The following SMYD3 variants were observed in gnomAD, a reference collection of about 807,000 sequenced individuals.
SMYD3 encodes the protein SET and MYND domain containing 3, also known as histone-lysine N-methyltransferase SMYD3.
In SMYD3, 36 loss-of-function variants were observed where a neutral mutation model predicts 57.7. The observed-to-expected ratio is 0.62, with a 90% CI of 0.48 to 0.82. The LOEUF (loss-of-function observed/expected upper bound fraction) is 0.82. Among genes scored for constraint, SMYD3 ranks in the 40% least tolerant of loss-of-function variants. SMYD3 has a pLI of 0.00. For synonymous variants in SMYD3, 211 were observed against 195.0 expected (o/e 1.08, Z -0.68); for missense variants, 515 against 538.8 (o/e 0.96, Z 0.44).
chr1:246,117,128 C>G (rs1393349469), intron 5 of SMYD3, among the ~76,000 whole-genome samples: 1 of 152,202 alleles, frequency 6.6e-6, no homozygotes, highest in Non-Finnish European at 1.5e-5. Context: ...CCACTCTACA[C>G]TTGCTTGTCA....
intron 1 of SMYD3, among the ~76,000 whole-genome samples, chr1:246,467,854 T>A (rs1419724443): frequency 1.3e-5 from 2 of 151,844 alleles, no homozygotes; most frequent in African/African-American, 2.4e-5. Flanking sequence ...GAGGCAAAAA[T>A]CCTCAACAAA....
intron 5 of SMYD3, among the ~76,000 whole-genome samples, chr1:245,944,463 C>T (rs374428996): frequency 3.3e-5 from 5 of 152,092 alleles, no homozygotes; most frequent in East Asian, 3.9e-4. Flanking sequence ...TCAAGGAGAA[C>T]GATAAACCTC....
At chr1:246,479,828 G>C (rs61839820) in intron 1 of SMYD3, among the ~76,000 whole-genome samples, 21,950 of 152,152 alleles carry the variant, frequency 0.14, 2,011 homozygotes, top group Middle Eastern at 0.24. Flanking sequence ...ATTTTTGTCT[G>C]TTGTGGTTCT....
intron 5 of SMYD3, among the ~76,000 whole-genome samples, chr1:246,232,079 A>C (rs907541714): frequency 2.4e-4 from 37 of 152,198 alleles, no homozygotes; most frequent in African/African-American, 8.9e-4. Context: ...CATAGTTTTT[A>C]ATGCAAATGA....
At chr1:245,865,105 T>C (rs1251374225) in intron 8 of SMYD3, among the ~76,000 whole-genome samples, 1 of 152,074 alleles carries the variant, frequency 6.6e-6, no homozygotes, top group Non-Finnish European at 1.5e-5. Context: ...GAAAACCACA[T>C]GTGTGCACAA....
Position 245,871,061 on chromosome 1 carries a change from A to G in SMYD3, c.814-7175T>C, listed in dbSNP as rs139435206. Among the ~76,000 whole-genome samples the G allele has an allele frequency of 2.7e-3, 405 of 152,372 alleles. 4 individuals carry two copies. The highest frequency in any genetic ancestry group is 9.1e-3 in the African/African-American group (379 of 41,590). The stretch of plus-strand genomic sequence containing the variant: ...TGAAGAGAGATGGAGTATAGGATGA[A>G]AAATAAAAAATTAATGAACACTTAC... On this transcript the variant is annotated intron_variant, in intron 8 of 11. Transcript: ENST00000490107.
chr1:246,365,612 C>T (rs4654246), intron 1 of SMYD3, among the ~76,000 whole-genome samples: 142,972 of 151,922 alleles, frequency 0.94, 67,310 homozygotes, highest in East Asian at 1. Flanking sequence ...TTAATCTCCT[C>T]GACTCTCCCC....
chr1:245,950,414 G>A (rs972477987), intron 5 of SMYD3, among the ~76,000 whole-genome samples: 1 of 152,134 alleles, frequency 6.6e-6, no homozygotes, highest in Non-Finnish European at 1.5e-5. Flanking sequence ...AAACAGGACT[G>A]AGTATTTTTT....
At chr1:246,261,910 A>C (rs996155042) in intron 5 of SMYD3, among the ~76,000 whole-genome samples, 3 of 152,214 alleles carry the variant, frequency 2.0e-5, no homozygotes, top group African/African-American at 7.2e-5. Context: ...GAAAAAAGTT[A>C]CAATAAATCT....
At chr1:245,820,253 A>G (rs2049085646) in intron 10 of SMYD3, among the ~76,000 whole-genome samples, 2 of 151,554 alleles carry the variant, frequency 1.3e-5, no homozygotes, top group African/African-American at 2.4e-5. Flanking sequence ...ACGCAAATCA[A>G]TAAATGTAAT....
chr1:246,028,239 C>T (rs1007505322), intron 5 of SMYD3, among the ~76,000 whole-genome samples: 1 of 151,244 alleles, frequency 6.6e-6, no homozygotes, highest in Non-Finnish European at 1.5e-5. Flanking sequence ...AAGTCCTAGT[C>T]AGAGCAACCA....
chr1:246,411,097 G>T (rs1183587792), intron 1 of SMYD3, among the ~76,000 whole-genome samples: 1 of 151,562 alleles, frequency 6.6e-6, no homozygotes, highest in East Asian at 1.9e-4. Context: ...TATCAATTTT[G>T]TTGATCTTTT....
intron 1 of SMYD3, among the ~76,000 whole-genome samples, chr1:246,431,799 C>A (rs144054568): frequency 1.3e-5 from 2 of 152,244 alleles, no homozygotes; most frequent in Non-Finnish European, 2.9e-5. Flanking sequence ...CTCTCCATTT[C>A]TGCAACAATC....
At chr1:246,408,177 T>C (rs1235038846) in intron 1 of SMYD3, among the ~76,000 whole-genome samples, 2 of 152,074 alleles carry the variant, frequency 1.3e-5, no homozygotes, top group East Asian at 3.9e-4. Flanking sequence ...CATATAAATT[T>C]TGGAAGGACA....
intron 5 of SMYD3, among the ~76,000 whole-genome samples, chr1:246,151,268 T>C (rs2148156488): frequency 6.6e-6 from 1 of 151,696 alleles, no homozygotes; most frequent in South Asian, 2.1e-4. Context: ...AAAAATTCCT[T>C]GAGGGGAAAA....
At chr1:246,047,847 A>G (rs202072773) in intron 5 of SMYD3, among the ~76,000 whole-genome samples, 1 of 46,256 alleles carries the variant, frequency 2.2e-5, no homozygotes, top group Non-Finnish European at 3.5e-5. Context: ...GCAGAAGGAA[A>G]AAAAAAAAAA....
chr1:245,928,044 AAAG>A lies in SMYD3; in HGVS notation c.600-14_600-12del. On this transcript the variant is annotated splice_polypyrimidine_tract_variant and intron_variant, in intron 6 of 11. Coordinates refer to ENST00000490107, the MANE Select transcript of SMYD3 (RefSeq NM_001167740.2). Reference sequence around the variant, plus strand: ...TTGAGCAAAGAGATACTGGAAAAAAAAAGGGGGGAAGACTGTCACAGCTCAGCA... The same window carrying A: ...TTGAGCAAAGAGATACTGGAAAAAAAGGGGGAAGACTGTCACAGCTCAGCA... 1.2e-6 allele frequency: 2 copies of A among 1,606,280 alleles called. No individual in the cohort carries two copies. The highest frequency in any genetic ancestry group is 1.7e-6 in the Non-Finnish European group (2 of 1,174,468).
intron 10 of SMYD3, among the ~76,000 whole-genome samples, chr1:245,807,484 G>C (rs1046581890): frequency 2.6e-5 from 4 of 152,158 alleles, no homozygotes; most frequent in African/African-American, 9.7e-5. Flanking sequence ...GACAACTCAG[G>C]ACTGTACCCC....
At chr1:246,257,864 A>C (rs1362365754) in intron 5 of SMYD3, among the ~76,000 whole-genome samples, 1 of 152,052 alleles carries the variant, frequency 6.6e-6, no homozygotes, top group Non-Finnish European at 1.5e-5. Context: ...GAGGTGTCAC[A>C]CCACCCTTCC....
Sources: allele counts gnomAD v4.1 joint callset (sites outside exome capture counted in the v4.1 genomes callset), GRCh38; gene constraint gnomAD v4.1.1; transcripts MANE v1.5; gene names NCBI Gene and HGNC (gene_info 2026-07-23, HGNC 2026-07-21).